TRAPPC9: variants seen among roughly 807,000 people sequenced by gnomAD.
The protein encoded by TRAPPC9 is trafficking protein particle complex subunit 9.
A neutral mutation model predicts 124.0 loss-of-function variants in TRAPPC9; 83 were observed. That is an observed-to-expected ratio of 0.67 (90% CI 0.56 to 0.80). TRAPPC9 has a LOEUF of 0.80. Ranked by LOEUF, TRAPPC9 falls within the 30% of genes least tolerant of loss-of-function variation. The pLI, the probability that TRAPPC9 is intolerant of heterozygous loss-of-function variation, is 0.00. For missense variants in TRAPPC9, 1,302 were observed against 1,508.3 expected, an observed-to-expected ratio of 0.86 and a Z score of 2.27; for synonymous variants, 638 against 617.5, an observed-to-expected ratio of 1.03 and a Z score of -0.49.
chr8:140,230,267 CA>C (rs2063559809), intron 16 of TRAPPC9, among the ~76,000 whole-genome samples: 1 of 152,118 alleles, frequency 6.6e-6, no homozygotes, highest in Admixed American at 6.5e-5. Flanking sequence ...GTCCTGTTAG[CA>C]GAAGGATATT....
chr8:139,844,691 G>A (rs375373035), intron 21 of TRAPPC9, among the ~76,000 whole-genome samples: 5 of 152,248 alleles, frequency 3.3e-5, no homozygotes, highest in African/African-American at 1.2e-4. Context: ...CTGCTGGTGG[G>A]AGTGGGGACT....
At chr8:139,834,811 G>A (rs530116624) in intron 21 of TRAPPC9, among the ~76,000 whole-genome samples, 1 of 152,284 alleles carries the variant, frequency 6.6e-6, no homozygotes, top group African/African-American at 2.4e-5. Context: ...ATCATCAGGC[G>A]CATTTCAGGA....
At position 140,063,574 on chromosome 8, in the gene TRAPPC9, G is replaced by A. The variant is rs1486278988; in HGVS notation, c.2557-39495C>T. On this transcript the variant is annotated intron_variant, in intron 17 of 22. Coordinates refer to ENST00000438773, the MANE Select transcript of TRAPPC9 (RefSeq NM_001160372.4). This position sits in a 1 kb window ranked among gnomAD's most constrained non-coding sequence, Gnocchi z 4.3. ...TGGATCGGGGAACAGAACAGTGAAC[G>A]GCAATAAAGAAAACTTAGATTTTGA... Among the ~76,000 whole-genome samples the A allele has an allele frequency of 1.3e-5, 2 of 152,092 alleles. No homozygotes were observed. Among genetic ancestry groups the A allele is most frequent in the South Asian group, 2.1e-4 (1 of 4,816 alleles).
intron 10 of TRAPPC9, among the ~76,000 whole-genome samples, chr8:140,309,454 G>A (rs888980226): frequency 2.6e-5 from 4 of 152,232 alleles, no homozygotes; most frequent in African/African-American, 4.8e-5. Flanking sequence ...GAACAAGCAC[G>A]CTTCTTCCTT....
At chr8:140,201,044 C>T (rs1433039154) in intron 17 of TRAPPC9, among the ~76,000 whole-genome samples, 1 of 152,168 alleles carries the variant, frequency 6.6e-6, no homozygotes, top group Non-Finnish European at 1.5e-5. Flanking sequence ...TAGCATGTCA[C>T]CACCGTGCTA....
At chr8:140,011,146 C>T (rs906572159) in intron 18 of TRAPPC9, among the ~76,000 whole-genome samples, 2 of 151,992 alleles carry the variant, frequency 1.3e-5, no homozygotes, top group East Asian at 3.9e-4. Context: ...TCAAGACCGG[C>T]CTGGCCAACA....
intron 17 of TRAPPC9, among the ~76,000 whole-genome samples, chr8:140,115,385 G>A (rs557116020): frequency 4.6e-5 from 7 of 151,764 alleles, no homozygotes; most frequent in East Asian, 1.9e-4. Flanking sequence ...CTCTGCCTCA[G>A]CCTCCAGAGG....
intron 17 of TRAPPC9, among the ~76,000 whole-genome samples, chr8:140,084,498 C>T (rs1472360548): frequency 6.6e-6 from 1 of 152,206 alleles, no homozygotes; most frequent in African/African-American, 2.4e-5. Flanking sequence ...AGGCTCACCA[C>T]ATGACACTCA....
At chr8:140,207,906 C>G (rs2062965187) in intron 17 of TRAPPC9, among the ~76,000 whole-genome samples, 2 of 152,218 alleles carry the variant, frequency 1.3e-5, no homozygotes, top group African/African-American at 4.8e-5. Context: ...AATCCCAGCA[C>G]TTTGGGAGGC....
chr8:139,811,697 C>T (rs936548326), intron 21 of TRAPPC9, among the ~76,000 whole-genome samples: 1 of 152,176 alleles, frequency 6.6e-6, no homozygotes, highest in Non-Finnish European at 1.5e-5. Context: ...GAGAGCAACA[C>T]CTTCACAATT....
At chr8:140,347,339 G>A (rs2067380218) in intron 9 of TRAPPC9, among the ~76,000 whole-genome samples, 1 of 152,212 alleles carries the variant, frequency 6.6e-6, no homozygotes, top group Non-Finnish European at 1.5e-5. Context: ...TCACAGGCCT[G>A]GGTAGCCAGC....
intron 8 of TRAPPC9, among the ~76,000 whole-genome samples, chr8:140,366,612 A>G (rs1431882933): frequency 6.6e-6 from 1 of 152,242 alleles, no homozygotes; most frequent in East Asian, 1.9e-4. Flanking sequence ...ATGAGAAAAT[A>G]CAAACCTCCC....
At chr8:140,369,538 T>C (rs945247081) in intron 8 of TRAPPC9, among the ~76,000 whole-genome samples, 7 of 152,214 alleles carry the variant, frequency 4.6e-5, no homozygotes, top group South Asian at 2.1e-4. Flanking sequence ...TAATTCAACG[T>C]TGGGGAGAGC....
intron 17 of TRAPPC9, among the ~76,000 whole-genome samples, chr8:140,154,755 T>C (rs1222971315): frequency 6.6e-6 from 1 of 152,202 alleles, no homozygotes; most frequent in East Asian, 1.9e-4. Flanking sequence ...AATATCCTCA[T>C]TTGAATTAAA....
chr8:139,836,030 A>G (rs941057447), intron 21 of TRAPPC9, among the ~76,000 whole-genome samples: 2 of 151,426 alleles, frequency 1.3e-5, no homozygotes, highest in Non-Finnish European at 2.9e-5. Context: ...TTTTTTTGAG[A>G]CAGAGTCTCA....
intron 9 of TRAPPC9, among the ~76,000 whole-genome samples, chr8:140,339,852 T>G (rs2067145382): frequency 6.6e-6 from 1 of 152,212 alleles, no homozygotes; most frequent in Non-Finnish European, 1.5e-5. Flanking sequence ...AGATAAACTT[T>G]TTTTTTTGAG....
intron 7 of TRAPPC9, among the ~76,000 whole-genome samples, chr8:140,385,190 A>G (rs903277433): frequency 6.6e-6 from 1 of 152,210 alleles, no homozygotes; most frequent in African/African-American, 2.4e-5. Flanking sequence ...GGAAATTTAT[A>G]GCACTAAATG....
At chr8:139,778,030 T>C (rs1313049049) in intron 21 of TRAPPC9, among the ~76,000 whole-genome samples, 2 of 151,418 alleles carry the variant, frequency 1.3e-5, no homozygotes, top group Admixed American at 1.3e-4. Flanking sequence ...TAGAGATCGG[T>C]GGGGGGTTCC....
At chr8:140,059,117 C>T (rs1842444477) in intron 17 of TRAPPC9, among the ~76,000 whole-genome samples, 1 of 152,212 alleles carries the variant, frequency 6.6e-6, no homozygotes, top group African/African-American at 2.4e-5. Context: ...CCTCCTGCCC[C>T]TTTACAACCA....
Sources: gnomAD v4.1 joint callset for allele counts (sites outside exome capture counted in the v4.1 genomes callset) on GRCh38, gnomAD v4.1.1 for gene constraint, Gnocchi (gnomAD v3.1) non-coding constraint, MANE v1.5 for transcripts, NCBI Gene and HGNC (gene_info 2026-07-23, HGNC 2026-07-21) for gene names.